The following CHD9 variants were observed in gnomAD, a reference collection of about 807,000 sequenced individuals.
CHD9 encodes ATP-dependent chromatin remodeler CHD9.
CHD9 carries 77 observed loss-of-function variants against 316.1 expected under a neutral mutation model. That is an observed-to-expected ratio of 0.24 (90% confidence interval 0.20 to 0.29). The LOEUF (loss-of-function observed/expected upper bound fraction) is 0.29. Among genes scored for constraint, CHD9 ranks in the 10% least tolerant of loss-of-function variants. The pLI is 1.00. For missense variants in CHD9, 2,763 were observed against 3,438.1 expected, an observed-to-expected ratio of 0.80 and a Z score of 4.91; for synonymous variants, 1,129 against 1,158.3, an observed-to-expected ratio of 0.97 and a Z score of 0.51.
chr16:53,223,725 T>A (rs1227696004), intron 4 of CHD9, among the ~76,000 whole-genome samples: 1 of 152,208 alleles, frequency 6.6e-6, no homozygotes, highest in East Asian at 1.9e-4. Context: ...TTTTTCACTG[T>A]AGTATTAGGT....
intron 22 of CHD9, among the ~76,000 whole-genome samples, chr16:53,272,930 A>G (rs533194129): frequency 4.7e-4 from 72 of 152,270 alleles, no homozygotes; most frequent in African/African-American, 1.6e-3. Flanking sequence ...CTCTACTAAA[A>G]TTACTAAAGT....
chr16:53,128,052 T>C (rs951605941), intron 1 of CHD9, among the ~76,000 whole-genome samples: 11 of 151,774 alleles, frequency 7.2e-5, no homozygotes, highest in African/African-American at 2.7e-4. Flanking sequence ...AGTAAACGTA[T>C]CTATTGTAGG....
At chr16:53,058,820 G>A (rs1184717136) in intron 1 of CHD9, among the ~76,000 whole-genome samples, 1 of 152,086 alleles carries the variant, frequency 6.6e-6, no homozygotes, top group Non-Finnish European at 1.5e-5. Context: ...CCAGACATTT[G>A]GGTTTTTTGT....
intron 1 of CHD9, among the ~76,000 whole-genome samples, chr16:53,129,600 C>T (rs1190527304): frequency 1.3e-5 from 2 of 152,246 alleles, no homozygotes; most frequent in African/African-American, 4.8e-5. Context: ...TAGGCATAAA[C>T]AAGCGCAGTG....
chr16:53,102,024 G>A (rs2036926624), intron 1 of CHD9, among the ~76,000 whole-genome samples: 1 of 152,264 alleles, frequency 6.6e-6, no homozygotes, highest in East Asian at 1.9e-4. Context: ...GCCGCTTCCA[G>A]TTGATTTCTG....
intron 24 of CHD9, among the ~76,000 whole-genome samples, chr16:53,279,626 A>G (rs1029260505): frequency 6.6e-6 from 1 of 152,196 alleles, no homozygotes; most frequent in East Asian, 1.9e-4. Context: ...CAAGGATTTC[A>G]TGACTAAGGA....
intron 22 of CHD9, among the ~76,000 whole-genome samples, chr16:53,272,666 TAATA>T (rs1454198450): frequency 6.6e-6 from 1 of 152,040 alleles, no homozygotes; most frequent in Non-Finnish European, 1.5e-5. Context: ...AAGTTCAGAG[TAATA>T]AATAAGGTGC....
intron 1 of CHD9, among the ~76,000 whole-genome samples, chr16:53,068,318 A>T (rs1428998706): frequency 2.0e-5 from 3 of 152,096 alleles, no homozygotes; most frequent in African/African-American, 7.2e-5. Flanking sequence ...AGATCCAAAC[A>T]CCACTTTTCA....
At chr16:53,211,435 G>A (rs1179295010) in intron 3 of CHD9, among the ~76,000 whole-genome samples, 3 of 152,096 alleles carry the variant, frequency 2.0e-5, no homozygotes, top group Admixed American at 6.5e-5. Flanking sequence ...ATTATTCATA[G>A]TAAATTATTT....
chr16:53,228,862 A>T (rs908522426), intron 7 of CHD9, 121 bp from the exon 8 acceptor site: 1 of 516,492 alleles, frequency 1.9e-6, no homozygotes, highest in Non-Finnish European at 3.5e-6. Context: ...TTAAAGTTAA[A>T]TGATGAACTA....
chr16:53,269,376 AAAGAT>A (rs1345468809), intron 22 of CHD9, among the ~76,000 whole-genome samples: 2 of 152,194 alleles, frequency 1.3e-5, no homozygotes, highest in African/African-American at 4.8e-5. Context: ...AAGGTGTTGA[AAAGAT>A]AAGAAGAAAC....
At chr16:53,092,541 A>G (rs926388289) in intron 1 of CHD9, among the ~76,000 whole-genome samples, 1 of 152,066 alleles carries the variant, frequency 6.6e-6, no homozygotes, top group Non-Finnish European at 1.5e-5. Context: ...TGCCCTCCTG[A>G]AGTCCTAGGC....
chr16:53,107,452 T>G (rs546644064), intron 1 of CHD9, among the ~76,000 whole-genome samples: 86 of 119,546 alleles, frequency 7.2e-4, no homozygotes, highest in Non-Finnish European at 1.2e-3. Flanking sequence ...AGAGTGACAC[T>G]CCATCTCAAA....
chr16:53,164,151 T>C (rs2042110731), intron 2 of CHD9, among the ~76,000 whole-genome samples: 1 of 152,224 alleles, frequency 6.6e-6, no homozygotes, highest in South Asian at 2.1e-4. Context: ...TCTTCTGCCA[T>C]TGAAAAATTA....
chr16:53,186,716 G>T (rs950717619), intron 2 of CHD9, among the ~76,000 whole-genome samples: 1 of 152,156 alleles, frequency 6.6e-6, no homozygotes, highest in South Asian at 2.1e-4. Flanking sequence ...AATCATGGGG[G>T]TGGTTTTCCC....
At chr16:53,216,873 A>T (rs1186976639) in intron 3 of CHD9, among the ~76,000 whole-genome samples, 2 of 149,918 alleles carry the variant, frequency 1.3e-5, no homozygotes, top group African/African-American at 4.9e-5. Context: ...TTTTTTTCTT[A>T]CTTTTATTTT....
intron 34 of CHD9, chr16:53,310,721 C>T (rs1283154834): frequency 2.0e-5 from 3 of 151,054 alleles, no homozygotes; most frequent in Middle Eastern, 3.2e-3. Context: ...CGTGGTGGCG[C>T]GTGCCCAGAT....
chr16:53,280,216 G>T (rs2053271738), intron 24 of CHD9, among the ~76,000 whole-genome samples: 1 of 152,100 alleles, frequency 6.6e-6, no homozygotes, highest in African/African-American at 2.4e-5. Context: ...AAACATACTT[G>T]CTCACACATG....
At chr16:53,201,470 A>T (rs1445847500) in intron 2 of CHD9, among the ~76,000 whole-genome samples, 1 of 152,174 alleles carries the variant, frequency 6.6e-6, no homozygotes, top group African/African-American at 2.4e-5. Flanking sequence ...TTCCTTCAGC[A>T]TGAAGTCTAG....
Sources: gnomAD v4.1 joint callset for allele counts (sites outside exome capture counted in the v4.1 genomes callset) on GRCh38, gnomAD v4.1.1 for gene constraint, MANE v1.5 for transcripts, NCBI Gene and HGNC (gene_info 2026-07-23, HGNC 2026-07-21) for gene names.